Variants in CCDC144A observed in about 807,000 individuals in gnomAD.
The protein encoded by CCDC144A is coiled-coil domain containing 144A, also known as coiled-coil domain-containing protein 144A.
CCDC144A carries 41 observed loss-of-function variants against 143.8 expected under a neutral mutation model. The observed-to-expected ratio is 0.29, with a 90% CI of 0.22 to 0.37. CCDC144A has a LOEUF of 0.37. CCDC144A is among the 10% of genes least tolerant of loss of function. CCDC144A has a pLI of 1.00. For synonymous variants in CCDC144A, 242 were observed against 517.9 expected (o/e 0.47, Z 7.23); for missense variants, 637 against 1,488.8 (o/e 0.43, Z 9.41).
chr17:16,724,328 G>C (rs1913262013), intron 8 of CCDC144A, among the ~76,000 whole-genome samples: 1 of 152,088 alleles, frequency 6.6e-6, no homozygotes, highest in South Asian at 2.1e-4. Context: ...ACGAGGTCAG[G>C]AGATCGAGAC....
At chr17:16,674,891 A>G in the CCDC144A span, among the ~76,000 whole-genome samples, 7 of 152,268 alleles carry the variant, frequency 4.6e-5, no homozygotes, top group African/African-American at 1.7e-4. Flanking sequence ...TGTACTGCCA[A>G]TGTATTACTT....
intron 12 of CCDC144A, among the ~76,000 whole-genome samples, 188 bp downstream of exon 12, chr17:16,735,831 T>A (rs987106471): frequency 1.3e-5 from 2 of 151,116 alleles, no homozygotes; most frequent in South Asian, 2.1e-4. Flanking sequence ...TTACTTTGCA[T>A]AAAGAAATTG....
chr17:16,719,912 C>T (rs1912990204), intron 6 of CCDC144A, among the ~76,000 whole-genome samples: 2 of 151,974 alleles, frequency 1.3e-5, no homozygotes, highest in South Asian at 4.1e-4. Context: ...ATGTTTTTTT[C>T]TTTTGGTTTT....
At chr17:16,747,392 G>T (rs1257601849) in intron 12 of CCDC144A, among the ~76,000 whole-genome samples, 1 of 152,222 alleles carries the variant, frequency 6.6e-6, no homozygotes, top group Non-Finnish European at 1.5e-5. Flanking sequence ...GGCTCTGGGT[G>T]TTTGGGCTCT....
the CCDC144A span, among the ~76,000 whole-genome samples, chr17:16,668,045 T>C: frequency 6.7e-6 from 1 of 148,382 alleles, no homozygotes; most frequent in African/African-American, 2.5e-5. Flanking sequence ...TAAAAAAATG[T>C]CTCGTATATC....
Position 16,711,925 on chromosome 17 carries a change from G to A in CCDC144A, c.1715+110G>A, listed in dbSNP as rs1912474244. On this transcript the variant is annotated intron_variant, in intron 6 of 16. Coordinates refer to ENST00000399273, the MANE Select transcript of CCDC144A (RefSeq NM_001382000.1). ...GCGGGTGAATCACCTGAGGTCAGGA[G>A]TTCAAGACCAGCCTGACCAACATGG... is the stretch of plus-strand genomic sequence containing the variant. 3.3e-6 allele frequency: 4 copies of A among 1,207,756 alleles called. No individual in the cohort carries two copies. In the Admixed American group the frequency reaches 6.7e-5, roughly 20 times the overall value. 74.8% of individuals were successfully genotyped at this position (1,207,756 alleles called of 1,614,324 possible). A position where few individuals can be genotyped will look rare whatever the true frequency, so the allele number is the denominator to read the frequency against.
chr17:16,749,997 T>C (rs1476308289), intron 12 of CCDC144A, among the ~76,000 whole-genome samples: 2 of 152,254 alleles, frequency 1.3e-5, no homozygotes, highest in African/African-American at 2.4e-5. Flanking sequence ...GATGTGTCTT[T>C]TGAATATAGC....
chr17:16,767,294 CA>C (rs765969718), intron 15 of CCDC144A: 2,356 of 95,326 alleles, frequency 0.025, 30 homozygotes, highest in African/African-American at 0.094. Context: ...GACTCCATCT[CA>C]AAAAAAAAAA....
At chr17:16,710,977 T>C (rs1323050995) in intron 5 of CCDC144A, among the ~76,000 whole-genome samples, 1 of 146,392 alleles carries the variant, frequency 6.8e-6, no homozygotes, top group Non-Finnish European at 1.5e-5. Context: ...CTGTATATCC[T>C]CCAGCTATAA....
chr17:16,756,564 G>C (rs1403878627), intron 12 of CCDC144A, among the ~76,000 whole-genome samples: 12 of 148,050 alleles, frequency 8.1e-5, no homozygotes, highest in Non-Finnish European at 1.0e-4. Flanking sequence ...AATCTTTCCT[G>C]ATTCCTTTGT....
chr17:16,773,421 A>G (rs1298182275), intron 16 of CCDC144A, 76 bp from the exon 17 acceptor site: 4 of 1,494,936 alleles, frequency 2.7e-6, no homozygotes, highest in African/African-American at 1.4e-5. Flanking sequence ...GCACTCCAGC[A>G]TAGGTGAAAG....
chr17:16,752,435 G>A (rs972990675), intron 12 of CCDC144A, among the ~76,000 whole-genome samples: 1 of 152,088 alleles, frequency 6.6e-6, no homozygotes, highest in African/African-American at 2.4e-5. Context: ...ATATGAACTT[G>A]GGCCCTCTCT....
Position 16,728,702 on chromosome 17 carries a change from A to G in CCDC144A, c.2105+962A>G, listed in dbSNP as rs529369645. Among the ~76,000 whole-genome samples the G allele has an allele frequency of 3.0e-3, 461 of 152,090 alleles. 3 individuals are homozygous for G. Among genetic ancestry groups the G allele is most frequent in the African/African-American group, 0.01 (434 of 41,498 alleles). ...CTATCACCCGAGTAGTACACATTGT[A>G]CCTCAGTAGGTAGTTTCTCATCCCT... On this transcript the variant is annotated intron_variant, in intron 9 of 16. Transcript: ENST00000399273.
the CCDC144A span, among the ~76,000 whole-genome samples, chr17:16,672,204 T>A: frequency 1.3e-5 from 2 of 152,250 alleles, no homozygotes; most frequent in Admixed American, 1.3e-4. Context: ...CTGTGACCCT[T>A]ACTGGTATCC....
At chr17:16,682,890 T>TG in the CCDC144A span, among the ~76,000 whole-genome samples, 15 of 74,312 alleles carry the variant, frequency 2.0e-4, no homozygotes, top group Non-Finnish European at 2.5e-5. Flanking sequence ...TCTGTTTTTT[T>TG]TTTTTTTTTT....
the CCDC144A span, among the ~76,000 whole-genome samples, chr17:16,668,979 A>G: frequency 1.3e-5 from 2 of 152,204 alleles, no homozygotes; most frequent in Admixed American, 6.5e-5. Context: ...CATAAATTCT[A>G]GGGGAAACAA....
Position 16,732,749 on chromosome 17 carries a change from A to G in CCDC144A, c.2418+83A>G, listed in dbSNP as rs2143238088. 9 of 967,192 alleles carry G rather than the reference A, an allele frequency of 9.3e-6. 1 individual carries two copies. The South Asian group carries it at 1.5e-4, about 16-fold the overall frequency. The allele number at this position is 967,192 out of a possible 1,614,324, so 59.9% of individuals were successfully genotyped here. Reference sequence around the variant, plus strand: ...CAACTCTGTGCAACTTGGAAAGTACAATGGATTTTTGAACTACACACACAC... The same window carrying G: ...CAACTCTGTGCAACTTGGAAAGTACGATGGATTTTTGAACTACACACACAC... On this transcript the variant is annotated intron_variant, in intron 11 of 16. Coordinates refer to ENST00000399273, the MANE Select transcript of CCDC144A (RefSeq NM_001382000.1).
chr17:16,737,292 A>G (rs1331550353), intron 12 of CCDC144A, among the ~76,000 whole-genome samples: 5 of 143,584 alleles, frequency 3.5e-5, no homozygotes, highest in South Asian at 4.4e-4. Context: ...TCAGCCTCCC[A>G]AGTAGCTGGG....
At chr17:16,688,700 G>C (rs1910880147), upstream of CCDC144A, among the ~76,000 whole-genome samples, 1 of 151,916 alleles carries the variant, frequency 6.6e-6, no homozygotes, top group Non-Finnish European at 1.5e-5. Context: ...ATGTTAGCCA[G>C]GATGGTCTTG....
Sources: allele counts gnomAD v4.1 joint callset (sites outside exome capture counted in the v4.1 genomes callset), GRCh38; gene constraint gnomAD v4.1.1; transcripts MANE v1.5; gene names NCBI Gene and HGNC (gene_info 2026-07-23, HGNC 2026-07-21).